Variants in DYNC1H1 observed in about 807,000 individuals in gnomAD.
DYNC1H1 encodes the protein cytoplasmic dynein 1 heavy chain 1.
A neutral mutation model predicts 527.1 loss-of-function variants in DYNC1H1; 51 were observed. The ratio of observed to expected loss-of-function variants is 0.10; its 90% CI spans 0.08 to 0.12. DYNC1H1 has a LOEUF of 0.12. Among genes scored for constraint, DYNC1H1 ranks in the 10% least tolerant of loss-of-function variants. The pLI, the probability that DYNC1H1 is intolerant of heterozygous loss-of-function variation, is 1.00. For missense variants in DYNC1H1, 2,771 were observed against 5,971.8 expected, an observed-to-expected ratio of 0.46 and a Z score of 17.66; for synonymous variants, 2,189 against 2,278.8, an observed-to-expected ratio of 0.96 and a Z score of 1.12.
rs2048535382 is a variant in DYNC1H1 at position 102,033,606 on chromosome 14, C to A, written c.10413+122C>A. The A allele has an allele frequency of 3.1e-6, 4 of 1,292,698 alleles. No homozygotes were observed. Among genetic ancestry groups the A allele is most frequent in the Non-Finnish European group, 4.3e-6 (4 of 922,594 alleles). 80.1% of individuals were successfully genotyped at this position (1,292,698 alleles called of 1,614,324 possible). A position where few individuals can be genotyped will look rare whatever the true frequency, so the allele number is the denominator to read the frequency against. The stretch of plus-strand genomic sequence containing the variant: ...AATTCGCTCTTTAACATCTGTAAGG[C>A]CCCGGAGGACTTTTTTCCTGGAAAA... On this transcript the variant is annotated intron_variant, in intron 54 of 77. Transcript: ENST00000360184. This position sits in a 1 kb window ranked among gnomAD's most constrained non-coding sequence, Gnocchi z 5.6.
At position 101,997,541 on chromosome 14, in the gene DYNC1H1, T is replaced by G. The variant is rs2059253514; in HGVS notation, c.3804+267T>G. ...CTTAGATCATTCTCTTACGTAGATA[T>G]GCGCAGAAATTAGAGTTTAATTTCC... On this transcript the variant is annotated intron_variant, in intron 16 of 77. Coordinates refer to ENST00000360184, the MANE Select transcript of DYNC1H1 (RefSeq NM_001376.5). This position sits in a 1 kb window ranked among gnomAD's most constrained non-coding sequence, Gnocchi z 4.8. 6.6e-6 allele frequency among the ~76,000 whole-genome samples: 1 copy of G among 152,222 alleles called. No homozygotes were observed. Among genetic ancestry groups the G allele is most frequent in the African/African-American group, 2.4e-5 (1 of 41,460 alleles).
chr14:102,015,139 AC>A lies in DYNC1H1; in HGVS notation c.7050del (p.Tyr2350Ter). The A allele has an allele frequency of 6.2e-7, 1 of 1,614,262 alleles. No homozygotes were observed. The highest frequency in any genetic ancestry group is 1.1e-5 in the South Asian group (1 of 91,092). On this transcript the variant is annotated frameshift_variant, in exon 35 of 78. Transcript: ENST00000360184. LOFTEE classifies it high-confidence loss of function. The surrounding 1 kb of genome is among the most constrained non-coding windows in gnomAD (Gnocchi z 6.9). ...ATGTTTGAGGTACAGGACTTGAAAT[AC>A]GCGACCTTGGCCACAGTGTCGCGCT... ...RIMFEVQDLK[Y>X]ATLATVSRCG... is the part of the protein sequence containing the mutation.
In DYNC1H1 at chr14:102,018,697, A is replaced by G; in HGVS notation, c.8343+81A>G. The G allele has an allele frequency of 6.4e-7, 1 of 1,557,022 alleles. No individual in the cohort carries two copies. Among genetic ancestry groups the G allele is most frequent in the Non-Finnish European group, 8.7e-7 (1 of 1,151,972 alleles). ...CTCGATTGGTCAGGTGTGGTGGTTC[A>G]CACCTGTAATCCCAGCATTTTGGGA... is the stretch of plus-strand genomic sequence containing the variant. On this transcript the variant is annotated intron_variant, in intron 41 of 77. Transcript: ENST00000360184. This position sits in a 1 kb window ranked among gnomAD's most constrained non-coding sequence, Gnocchi z 5.2.
At chr14:101,993,202 T>C (rs904128325) in intron 11 of DYNC1H1, among the ~76,000 whole-genome samples, 1 of 152,132 alleles carries the variant, frequency 6.6e-6, no homozygotes, top group East Asian at 1.9e-4. Flanking sequence ...TTGATTCCCA[T>C]TGTGTGTCTC....
rs746971715 is a variant in DYNC1H1, at chr14:102,050,135, C to T, written c.13749C>T (p.Thr4583=). The change falls in exon 77 of 78, where the codon ACC becomes ACT. Residue 4583 remains threonine (T), a synonymous_variant. Transcript: ENST00000360184. ...TGTCACTGTCCAATGCCATCTCAAC[C>T]GCCCTTCCCCTGACGCAGCTGCGCT... The part of the protein sequence containing the change: ...NKLSLSNAIS[T]ALPLTQLRWV... The T allele has an allele frequency of 2.2e-5, 35 of 1,613,980 alleles. No individual in the cohort carries two copies. The highest frequency in any genetic ancestry group is 2.7e-5 in the Non-Finnish European group (32 of 1,180,032).
At chr14:101,982,996 T>G (rs754416223) in intron 5 of DYNC1H1, 23 bp from the exon 6 acceptor site, 10 of 1,605,282 alleles carry the variant, frequency 6.2e-6, no homozygotes, top group South Asian at 3.3e-5. Context: ...TGAAAACCAT[T>G]AACTCTTTCT....
At chr14:101,996,758 A>G (rs1342365515) in intron 15 of DYNC1H1, among the ~76,000 whole-genome samples, 1 of 152,024 alleles carries the variant, frequency 6.6e-6, no homozygotes, top group East Asian at 1.9e-4. Flanking sequence ...AGTAGCTGGG[A>G]CTACAGATAC....
intron 72 of DYNC1H1, 152 bp from the exon 73 acceptor site, chr14:102,047,664 TG>T: frequency 3.3e-6 from 2 of 605,860 alleles, no homozygotes; most frequent in Non-Finnish European, 6.0e-6. Context: ...TATATATATA[TG>T]TACACACGGC....
At chr14:102,025,353 C>T (rs977831802) in intron 43 of DYNC1H1, among the ~76,000 whole-genome samples, 7 of 150,336 alleles carry the variant, frequency 4.7e-5, no homozygotes, top group Non-Finnish European at 1.0e-4. Flanking sequence ...TGCAGTGAGC[C>T]GAGATCGCGC....
At position 102,029,366 on chromosome 14, in the gene DYNC1H1, G is replaced by C; in HGVS notation, c.9469-173G>C. 3 of 732,896 alleles carry C rather than the reference G, an allele frequency of 4.1e-6. No individual in the cohort carries two copies. In the South Asian group the frequency reaches 5.2e-5, roughly 13 times the overall value. 45.4% of individuals were successfully genotyped at this position (732,896 alleles called of 1,614,324 possible). A position where few individuals can be genotyped will look rare whatever the true frequency, so the allele number is the denominator to read the frequency against. ...GGCTTAGAGAGGTTTGGAAGTGTAA[G>C]GGGTATCTCGAAAGCTCTAAGTGGC... On this transcript the variant is annotated intron_variant, in intron 48 of 77. Transcript: ENST00000360184. This position sits in a 1 kb window ranked among gnomAD's most constrained non-coding sequence, Gnocchi z 5.3.
In DYNC1H1 at chr14:102,015,737, AG is replaced by A; in HGVS notation, c.7243-118del. 8.9e-7 allele frequency: 1 copy of A among 1,124,014 alleles called. No homozygotes were observed. Among genetic ancestry groups the A allele is most frequent in the Non-Finnish European group, 1.3e-6 (1 of 768,892 alleles). 69.6% of individuals were successfully genotyped at this position (1,124,014 alleles called of 1,614,324 possible). ...TGAAGGAATGAGGACTGGTCATTGA[AG>A]CTTCATCCAAAATGAGTTTTCCAAG... On this transcript the variant is annotated intron_variant, in intron 35 of 77. Transcript: ENST00000360184. The surrounding 1 kb of genome is among the most constrained non-coding windows in gnomAD (Gnocchi z 6.9).
rs1309179811 is a variant in DYNC1H1, at chr14:102,040,693, T to C, written c.11941+20T>C. ...CTGCAAGTAAGCCCCACTGTGGTTT[T>C]CTTTCTGGACCTGAATGTAAAGTTG... On this transcript the variant is annotated intron_variant, in intron 64 of 77. Coordinates refer to ENST00000360184, the MANE Select transcript of DYNC1H1 (RefSeq NM_001376.5). The C allele has an allele frequency of 6.2e-7, 1 of 1,614,106 alleles. No homozygotes were observed. Among genetic ancestry groups the C allele is most frequent in the Non-Finnish European group, 8.5e-7 (1 of 1,179,948 alleles).
Position 102,008,164 on chromosome 14 carries a change from C to T in DYNC1H1, c.5818-14C>T, listed in dbSNP as rs780235255. 2 of 1,613,832 alleles carry T rather than the reference C, an allele frequency of 1.2e-6. No homozygotes were observed. The highest frequency in any genetic ancestry group is 1.7e-6 in the Non-Finnish European group (2 of 1,179,982). On this transcript the variant is annotated splice_polypyrimidine_tract_variant and intron_variant, in intron 28 of 77. Coordinates refer to ENST00000360184, the MANE Select transcript of DYNC1H1 (RefSeq NM_001376.5). Reference sequence around the variant, plus strand: ...AGCAGGTGGTTTTAGCGCCTTTCTTCCTCTCCTTTCCAGGCAATGGGCCGG... The same window carrying T: ...AGCAGGTGGTTTTAGCGCCTTTCTTTCTCTCCTTTCCAGGCAATGGGCCGG...
intron 51 of DYNC1H1, chr14:102,030,527 CACA>C: frequency 9.8e-6 from 5 of 512,782 alleles, no homozygotes; most frequent in Non-Finnish European, 1.0e-5. Context: ...AAAGAAACTT[CACA>C]ATATAAGCTT....
At chr14:102,025,103 A>G (rs1398586085) in intron 43 of DYNC1H1, among the ~76,000 whole-genome samples, 1 of 151,918 alleles carries the variant, frequency 6.6e-6, no homozygotes, top group Non-Finnish European at 1.5e-5. Context: ...TGGGAGGCCA[A>G]GGTGGGCGGA....
rs1320043414 is a variant in DYNC1H1 at position 102,044,062 on chromosome 14, C to T, written c.12684+17C>T. 6.2e-7 allele frequency: 1 copy of T among 1,612,908 alleles called. No individual in the cohort carries two copies. Among genetic ancestry groups the T allele is most frequent in the South Asian group, 1.1e-5 (1 of 91,022 alleles). On this transcript the variant is annotated intron_variant, in intron 70 of 77. Coordinates refer to ENST00000360184, the MANE Select transcript of DYNC1H1 (RefSeq NM_001376.5). The surrounding 1 kb of genome is among the most constrained non-coding windows in gnomAD (Gnocchi z 7.1). ...ACGGCCAAGGCAAGTGTGGGCCATG[C>T]CAGGACAGACAGTGGACGTGTATCT...
chr14:102,029,458 T>C lies in DYNC1H1; in HGVS notation c.9469-81T>C. 6.3e-7 allele frequency: 1 copy of C among 1,577,196 alleles called. No individual in the cohort carries two copies. The highest frequency in any genetic ancestry group is 8.6e-7 in the Non-Finnish European group (1 of 1,157,932). ...GGCTCCTTCTATCATGTCACACCCA[T>C]CTGCCAAGGCCAAAATTGTTTTCTG... On this transcript the variant is annotated intron_variant, in intron 48 of 77. Transcript: ENST00000360184. This position sits in a 1 kb window ranked among gnomAD's most constrained non-coding sequence, Gnocchi z 5.3.
chr14:102,007,670 G>C (rs1240257156), intron 28 of DYNC1H1, among the ~76,000 whole-genome samples: 1 of 152,164 alleles, frequency 6.6e-6, no homozygotes, highest in Admixed American at 6.5e-5. Context: ...ATTTCAAAAA[G>C]ATGTGACTTG....
chr14:101,987,390 A>G, intron 8 of DYNC1H1, 63 bp from the exon 9 acceptor site: 1 of 1,498,840 alleles, frequency 6.7e-7, no homozygotes, highest in Non-Finnish European at 9.2e-7. Flanking sequence ...GAAGAATGTT[A>G]TGTGAGAATA....
Sources: allele counts gnomAD v4.1 joint callset (sites outside exome capture counted in the v4.1 genomes callset), GRCh38; gene constraint gnomAD v4.1.1; non-coding constraint Gnocchi (gnomAD v3.1); transcripts MANE v1.5; gene names NCBI Gene and HGNC (gene_info 2026-07-23, HGNC 2026-07-21).